The following DHRS7B variants were observed in gnomAD, a reference collection of about 807,000 sequenced individuals.
DHRS7B encodes peroxisomal reductase activating PPAR-gamma.
A neutral mutation model predicts 26.4 loss-of-function variants in DHRS7B; 24 were observed. The ratio of observed to expected loss-of-function variants is 0.91; its 90% CI spans 0.66 to 1.28. DHRS7B has a LOEUF of 1.28. DHRS7B is among the 50% of genes most tolerant of loss of function. The pLI, the probability that DHRS7B is intolerant of heterozygous loss-of-function variation, is 0.00. For missense variants in DHRS7B, 368 were observed against 419.4 expected, an observed-to-expected ratio of 0.88 and a Z score of 1.07; for synonymous variants, 142 against 166.4, an observed-to-expected ratio of 0.85 and a Z score of 1.13.
At chr17:21,153,418 G>A (rs1462185909) in intron 1 of DHRS7B, among the ~76,000 whole-genome samples, 1 of 152,094 alleles carries the variant, frequency 6.6e-6, no homozygotes, top group African/African-American at 2.4e-5. Context: ...TACAAAAGAT[G>A]TAACATACAC....
At chr17:21,183,909 C>T (rs999010851) in intron 4 of DHRS7B, 99 bp downstream of exon 4, 5 of 1,045,874 alleles carry the variant, frequency 4.8e-6, no homozygotes, top group Admixed American at 2.0e-5. Flanking sequence ...TCTCCATCCT[C>T]TCTGTTGCCC....
chr17:21,190,948 T>C lies in DHRS7B; in HGVS notation c.773T>C (p.Val258Ala). 6.2e-7 allele frequency: 1 copy of C among 1,614,018 alleles called. No individual in the cohort carries two copies. The highest frequency in any genetic ancestry group is 8.5e-7 in the Non-Finnish European group (1 of 1,179,998). ...AITADGSRYG[V>A]MDTTTAQGRS... ...GTTTCTTTTGTTTTATTTATTTTAG[T>C]TATGGACACCACCACAGCCCAGGGC... Residue 258 changes from valine (V) to alanine (A), a missense_variant and splice_region_variant, in exon 7 of 7, where the codon GTT (valine) becomes GCT (alanine). Physicochemically the swap from Val to Ala is moderately conservative, Grantham distance 64. Transcript: ENST00000395511.
At chr17:21,159,713 A>T (rs749439585) in intron 1 of DHRS7B, among the ~76,000 whole-genome samples, 52 of 151,644 alleles carry the variant, frequency 3.4e-4, no homozygotes, top group Non-Finnish European at 5.9e-4. Flanking sequence ...CTCTGCAAAA[A>T]TTTTTTTAAA....
chr17:21,138,346 C>T (rs1331909951), intron 1 of DHRS7B, among the ~76,000 whole-genome samples: 2 of 150,516 alleles, frequency 1.3e-5, no homozygotes, highest in Non-Finnish European at 1.5e-5. Context: ...GCCTCAGCCT[C>T]CTGAGTAGCT....
In DHRS7B at chr17:21,183,787, T is replaced by C. The variant is rs767251327; in HGVS notation, c.503T>C (p.Phe168Ser). The stretch of plus-strand genomic sequence containing the variant: ...AAGAGGGTCATGGAGACAAACTACT[T>C]TGGCCCAGTTGCTCTAACGAAAGGT... Reference protein sequence around the residue: ...VDKRVMETNYFGPVALTKALL... With the variant: ...VDKRVMETNYSGPVALTKALL... Residue 168 changes from phenylalanine to serine, a missense_variant, in exon 4 of 7, where the codon TTT (phenylalanine) becomes TCT (serine). Coordinates refer to ENST00000395511, the MANE Select transcript of DHRS7B (RefSeq NM_015510.5). The C allele has an allele frequency of 3.7e-6, 6 of 1,614,072 alleles. No individual in the cohort carries two copies. The African/African-American group carries it at 5.3e-5, about 14-fold the overall frequency.
intron 1 of DHRS7B, among the ~76,000 whole-genome samples, chr17:21,159,862 C>CAAA (rs59176427): frequency 9.9e-4 from 61 of 61,684 alleles, no homozygotes; most frequent in Middle Eastern, 0.01. Flanking sequence ...GACCCTGTCT[C>CAAA]AAAAAAAAAA....
At chr17:21,170,810 G>A (rs1184891096) in intron 1 of DHRS7B, among the ~76,000 whole-genome samples, 1 of 152,110 alleles carries the variant, frequency 6.6e-6, no homozygotes, top group African/African-American at 2.4e-5. Context: ...CAGTGTTCCT[G>A]GCTTCACTCT....
intron 5 of DHRS7B, among the ~76,000 whole-genome samples, chr17:21,187,179 A>G (rs926488626): frequency 6.6e-6 from 1 of 151,374 alleles, no homozygotes; most frequent in Non-Finnish European, 1.5e-5. Flanking sequence ...ATCACTGGGC[A>G]TGGCTGCTTA....
At chr17:21,149,035 G>T (rs1231384633) in intron 1 of DHRS7B, among the ~76,000 whole-genome samples, 1 of 152,034 alleles carries the variant, frequency 6.6e-6, no homozygotes, top group Non-Finnish European at 1.5e-5. Flanking sequence ...GACTCTTAAA[G>T]GTCAACAAAG....
chr17:21,163,345 A>G (rs1974042082), intron 1 of DHRS7B, among the ~76,000 whole-genome samples: 1 of 152,104 alleles, frequency 6.6e-6, no homozygotes, highest in South Asian at 2.1e-4. Flanking sequence ...TTACTTCTTG[A>G]GTCTTTGTGC....
chr17:21,173,720 G>A (rs1213771050), intron 2 of DHRS7B, among the ~76,000 whole-genome samples: 1 of 152,208 alleles, frequency 6.6e-6, no homozygotes, highest in Non-Finnish European at 1.5e-5. Context: ...AGGGACAGCT[G>A]TCTGCAGGCC....
chr17:21,184,380 C>T lies in DHRS7B; in HGVS notation c.536C>T (p.Pro179Leu). Residue 179 changes from proline (P) to leucine (L), a missense_variant, in exon 5 of 7, where the codon CCC becomes CTC. Transcript: ENST00000395511. Reference sequence around the variant, plus strand: ...CTGCATCTGTCCTCAGCACTCCTGCCCTCCATGATCAAGAGGAGGCAAGGC... The same window carrying T: ...CTGCATCTGTCCTCAGCACTCCTGCTCTCCATGATCAAGAGGAGGCAAGGC... ...GPVALTKALL[P>L]SMIKRRQGHI... 1 of 1,614,122 alleles carries T rather than the reference C, an allele frequency of 6.2e-7. No homozygotes were observed. The highest frequency in any genetic ancestry group is 8.5e-7 in the Non-Finnish European group (1 of 1,180,018).
In DHRS7B at chr17:21,138,422, G is replaced by A. The variant is rs570110150; in HGVS notation, c.20+11431G>A. On this transcript the variant is annotated intron_variant, in intron 1 of 6. Transcript: ENST00000395511. The stretch of plus-strand genomic sequence containing the variant: ...CTATTTTTAGTAGAGATGGGGTTTC[G>A]CCATGTTAGCCAGGATGGTCTTGAT... Among the ~76,000 whole-genome samples the A allele has an allele frequency of 1.0e-3, 156 of 149,816 alleles. 3 individuals carry two copies. In the South Asian group the frequency reaches 0.032, roughly 31 times the overall value.
At chr17:21,141,599 G>T (rs1973510616) in intron 1 of DHRS7B, among the ~76,000 whole-genome samples, 1 of 114,676 alleles carries the variant, frequency 8.7e-6, no homozygotes, top group Admixed American at 1.2e-4. Flanking sequence ...GCTGAAGACT[G>T]GTTTCTACCA....
rs565390518 is a variant in DHRS7B at position 21,172,113 on chromosome 17, G to A, written c.116G>A (p.Arg39Gln). Residue 39 changes from arginine to glutamine, a missense_variant, in exon 2 of 7, where the codon CGG becomes CAG. Arg to Gln is a conservative substitution (Grantham distance 43). Coordinates refer to ENST00000395511, the MANE Select transcript of DHRS7B (RefSeq NM_015510.5). ...TGCCTGGGCGTCTTCGGCCTCTTCC[G>A]GCTGCTGCAGTGGGTGCGCGGGAAG... is the stretch of plus-strand genomic sequence containing the variant. ...FGCLGVFGLFRLLQWVRGKAY... is the reference protein window; with the variant it reads ...FGCLGVFGLFQLLQWVRGKAY... 34 of 1,614,130 alleles carry A rather than the reference G, an allele frequency of 2.1e-5. No individual in the cohort carries two copies. The highest frequency in any genetic ancestry group is 1.8e-4 in the South Asian group (16 of 91,074).
chr17:21,156,037 T>C (rs900898797), intron 1 of DHRS7B, among the ~76,000 whole-genome samples: 7 of 152,022 alleles, frequency 4.6e-5, no homozygotes, highest in African/African-American at 1.7e-4. Flanking sequence ...ACAATCTAAG[T>C]TTATACTTTA....
chr17:21,171,857 G>T (rs1192904599), intron 1 of DHRS7B, 161 bp from the exon 2 acceptor site: 2 of 856,968 alleles, frequency 2.3e-6, no homozygotes, highest in African/African-American at 1.7e-5. Context: ...ATGCTGAACA[G>T]TCGGCCGAGG....
chr17:21,140,479 TACACACACACACACACACAC>T (rs4020775), intron 1 of DHRS7B, among the ~76,000 whole-genome samples: 270 of 83,692 alleles, frequency 3.2e-3, no homozygotes, highest in East Asian at 0.013. Flanking sequence ...GCCTTTTAAA[TACACACACACACACACACAC>T]ACACACACAC....
chr17:21,170,042 A>G (rs1974203704), intron 1 of DHRS7B, among the ~76,000 whole-genome samples: 1 of 151,646 alleles, frequency 6.6e-6, no homozygotes. Flanking sequence ...CCAAGCCCCC[A>G]CCCCTCAACC....
Sources: gnomAD v4.1 joint callset for allele counts (sites outside exome capture counted in the v4.1 genomes callset) on GRCh38, gnomAD v4.1.1 for gene constraint, MANE v1.5 for transcripts, NCBI Gene and HGNC (gene_info 2026-07-23, HGNC 2026-07-21) for gene names.